Variants in MSL1 observed in about 807,000 individuals in gnomAD.
MSL1 encodes MSL complex subunit 1, also known as male-specific lethal 1 homolog.
In MSL1, 21 loss-of-function variants were observed where a neutral mutation model predicts 64.6. The observed-to-expected ratio is 0.33, with a 90% CI of 0.23 to 0.47. The LOEUF is 0.47. Among genes scored for constraint, MSL1 ranks in the 20% least tolerant of loss-of-function variants. The probability of loss-of-function intolerance (pLI) is 1.00; values close to 1 mark genes in which losing one functional copy is unlikely to be tolerated. For synonymous variants in MSL1, 339 were observed against 329.6 expected (o/e 1.03, Z -0.31); for missense variants, 664 against 793.2 (o/e 0.84, Z 1.96).
intron 2 of MSL1, among the ~76,000 whole-genome samples, chr17:40,128,797 G>A (rs927477914): frequency 2.0e-5 from 3 of 152,040 alleles, no homozygotes; most frequent in Admixed American, 6.5e-5. Context: ...GATCACCTGA[G>A]GTCAGGTATT....
chr17:40,123,130 C>T lies in MSL1; in HGVS notation c.518C>T (p.Pro173Leu), dbSNP rs907139002. ...AATASDPAGP[P>L]PLPLPGPPPL... ...ACCGCCTCGGACCCGGCGGGACCCC[C>T]ACCACTACCTCTGCCCGGGCCGCCA... Residue 173 changes from proline to leucine, a missense_variant, in exon 1 of 9, where the codon CCA becomes CTA. Pro to Leu is a moderately conservative substitution (Grantham distance 98). Transcript: ENST00000398532. 5 of 1,532,458 alleles carry T rather than the reference C, an allele frequency of 3.3e-6. No individual in the cohort carries two copies. Among genetic ancestry groups the T allele is most frequent in the Admixed American group, 2.0e-5 (1 of 50,656 alleles). 94.9% of individuals were successfully genotyped at this position (1,532,458 alleles called of 1,614,324 possible). A position where few individuals can be genotyped will look rare whatever the true frequency, so the allele number is the denominator to read the frequency against.
chr17:40,124,172 A>G (rs991347259), intron 1 of MSL1, among the ~76,000 whole-genome samples: 1 of 152,162 alleles, frequency 6.6e-6, no homozygotes, highest in Admixed American at 6.5e-5. Context: ...TTACTGCAGC[A>G]GTAGTTAAGG....
chr17:40,132,125 A>C, intron 5 of MSL1, 27 bp downstream of exon 5: 1 of 1,482,732 alleles, frequency 6.7e-7, no homozygotes, highest in Non-Finnish European at 9.3e-7. Flanking sequence ...ACTCAATTGA[A>C]GAGAGTAAGA....
At position 40,134,472 on chromosome 17, in the gene MSL1, C is replaced by T. The variant is rs917923208; in HGVS notation, c.*103C>T. 2.7e-5 allele frequency: 24 copies of T among 883,714 alleles called. No homozygotes were observed. Among genetic ancestry groups the T allele is most frequent in the Non-Finnish European group, 4.0e-5 (22 of 550,892 alleles). 54.7% of individuals were successfully genotyped at this position (883,714 alleles called of 1,614,324 possible). A position where few individuals can be genotyped will look rare whatever the true frequency, so the allele number is the denominator to read the frequency against. ...CTTTGTCCTCACATATGTTATCACT[C>T]GCTGATAATACCCTTTCATACTTCC... On this transcript the variant is annotated 3_prime_UTR_variant, in exon 9 of 9. Transcript: ENST00000398532.
rs905775704 is a variant in MSL1 at position 40,135,737 on chromosome 17, T to C, written c.*1368T>C. On this transcript the variant is annotated 3_prime_UTR_variant, in exon 9 of 9. Coordinates refer to ENST00000398532, the MANE Select transcript of MSL1 (RefSeq NM_001365919.1). ...GGGGCCTCCCACTGCTAAAGTTTTT[T>C]GTGAGATGTTGATCTGTGCTTCCTG... The C allele has an allele frequency of 5.2e-5, 8 of 152,446 alleles. No individual in the cohort carries two copies. The highest frequency in any genetic ancestry group is 1.9e-4 in the African/African-American group (8 of 41,568). The allele number at this position is 152,446 out of a possible 1,614,324, so 9.4% of individuals were successfully genotyped here.
Position 40,136,321 on chromosome 17 carries a change from A to G in MSL1, c.*1952A>G, listed in dbSNP as rs937235807. 3 of 152,302 alleles carry G rather than the reference A, an allele frequency of 2.0e-5. No homozygotes were observed. The highest frequency in any genetic ancestry group is 7.2e-5 in the African/African-American group (3 of 41,444). 9.4% of individuals were successfully genotyped at this position (152,302 alleles called of 1,614,324 possible). On this transcript the variant is annotated 3_prime_UTR_variant, in exon 9 of 9. Transcript: ENST00000398532. The stretch of plus-strand genomic sequence containing the variant: ...AATCCACGAGGTGCTATCTGGCCAG[A>G]TTTAAGTAGATTCTATTTCCTTGGT...
intron 6 of MSL1, 66 bp downstream of exon 6, chr17:40,133,175 A>C: frequency 7.2e-7 from 1 of 1,389,700 alleles, no homozygotes; most frequent in Non-Finnish European, 1.0e-6. Context: ...GTATCAGGGA[A>C]CCTGACCTCC....
Position 40,133,616 on chromosome 17 carries a change from T to G in MSL1, c.1639T>G (p.Ser547Ala). 1 of 1,613,652 alleles carries G rather than the reference T, an allele frequency of 6.2e-7. No homozygotes were observed. The highest frequency in any genetic ancestry group is 8.5e-7 in the Non-Finnish European group (1 of 1,179,722). ...GTATAAAAAGAAAGGAATTCAGGAA[T>G]CTGAGCCTGAGGTTACCTCATTTTT... ...RMYKKKGIQE[S>A]EPEVTSFFPE... Residue 547 changes from serine to alanine, a missense_variant, in exon 7 of 9, where the codon TCT becomes GCT. By Grantham distance (99) the Ser-to-Ala change is moderately conservative. Transcript: ENST00000398532.
At position 40,122,461 on chromosome 17, in the gene MSL1, C is replaced by A; in HGVS notation, c.-152C>A. On this transcript the variant is annotated 5_prime_UTR_variant, in exon 1 of 9. Coordinates refer to ENST00000398532, the MANE Select transcript of MSL1 (RefSeq NM_001365919.1). The surrounding 1 kb of genome is among the most constrained non-coding windows in gnomAD (Gnocchi z 4.2). ...CACGCCGGCGGGATGGCGCCCGGGC[C>A]CCGGAGGAGCCGCGCTAGCGGAGGC... 4.1e-6 allele frequency: 2 copies of A among 493,462 alleles called. No individual in the cohort carries two copies. Among genetic ancestry groups the A allele is most frequent in the Non-Finnish European group, 6.5e-6 (2 of 306,088 alleles). 30.6% of individuals were successfully genotyped at this position (493,462 alleles called of 1,614,324 possible).
rs1988235390 is a variant in MSL1 at position 40,123,328 on chromosome 17, A to T, written c.716A>T (p.Gln239Leu). The part of the protein sequence containing the change: ...QLDLIEQQQQ[Q>L]LQAKEKEIEE... ...GACCTCATCGAACAGCAGCAGCAGC[A>T]GCTGCAGGCCAAGGAAAAGGAGATC... The change falls in exon 1 of 9, where the codon CAG becomes CTG. Residue 239 changes from glutamine (Q) to leucine (L), a missense_variant. This residue lies in a region of MSL1 where 466 missense variants were observed against 499.0 expected (regional missense o/e 0.93). Transcript: ENST00000398532. The T allele has an allele frequency of 1.3e-6, 2 of 1,536,284 alleles. No individual in the cohort carries two copies. Among genetic ancestry groups the T allele is most frequent in the Non-Finnish European group, 1.7e-6 (2 of 1,146,870 alleles).
rs547031311 is a variant in MSL1 at position 40,134,463 on chromosome 17, G to C, written c.*94G>C. On this transcript the variant is annotated 3_prime_UTR_variant, in exon 9 of 9. Transcript: ENST00000398532. ...ATATGTGACCTTTGTCCTCACATATGTTATCACTCGCTGATAATACCCTTT... is the reference window on the plus strand; with the variant it reads ...ATATGTGACCTTTGTCCTCACATATCTTATCACTCGCTGATAATACCCTTT... 1 of 967,288 alleles carries C rather than the reference G, an allele frequency of 1.0e-6. No individual in the cohort carries two copies. The highest frequency in any genetic ancestry group is 1.4e-5 in the South Asian group (1 of 69,706). The allele number at this position is 967,288 out of a possible 1,614,324, so 59.9% of individuals were successfully genotyped here.
At chr17:40,125,848 T>C (rs139625018) in intron 1 of MSL1, among the ~76,000 whole-genome samples, 3 of 152,270 alleles carry the variant, frequency 2.0e-5, no homozygotes, top group African/African-American at 7.2e-5. Context: ...CCGAACCAAC[T>C]TGGAGCCACA....
At position 40,133,806 on chromosome 17, in the gene MSL1, C is replaced by T. The variant is rs765964916; in HGVS notation, c.1682-21C>T. 3 of 1,613,284 alleles carry T rather than the reference C, an allele frequency of 1.9e-6. No homozygotes were observed. In the Admixed American group the frequency reaches 5.0e-5, roughly 27 times the overall value. ...TCCCATCTGTATTACTAATACGCTCCCGTTTGACTTTCTCCCATAGTTGAA... is the reference window on the plus strand; with the variant it reads ...TCCCATCTGTATTACTAATACGCTCTCGTTTGACTTTCTCCCATAGTTGAA... On this transcript the variant is annotated intron_variant, in intron 7 of 8. Coordinates refer to ENST00000398532, the MANE Select transcript of MSL1 (RefSeq NM_001365919.1).
At chr17:40,133,957 C>T in intron 8 of MSL1, 58 bp downstream of exon 8, 2 of 1,470,316 alleles carry the variant, frequency 1.4e-6, no homozygotes, top group Non-Finnish European at 1.9e-6. Flanking sequence ...TTTCAGACTT[C>T]ATGGAAGCCT....
chr17:40,123,070 C>T lies in MSL1; in HGVS notation c.458C>T (p.Ala153Val), dbSNP rs1381171700. ...GCGGCCAAAGAGCCTACGCCCTGGG[C>T]TGGGGACAAGGGTGGGGCGGCCTCC... ...VAAAKEPTPW[A>V]GDKGGAASPA... The change falls in exon 1 of 9, where the codon GCT becomes GTT. Residue 153 changes from alanine (A) to valine (V), a missense_variant. Coordinates refer to ENST00000398532, the MANE Select transcript of MSL1 (RefSeq NM_001365919.1). 5 of 1,531,916 alleles carry T rather than the reference C, an allele frequency of 3.3e-6. No homozygotes were observed. The highest frequency in any genetic ancestry group is 2.0e-5 in the Admixed American group (1 of 50,612). 94.9% of individuals were successfully genotyped at this position (1,531,916 alleles called of 1,614,324 possible). A position where few individuals can be genotyped will look rare whatever the true frequency, so the allele number is the denominator to read the frequency against.
At chr17:40,127,977 G>A (rs975013279) in intron 2 of MSL1, among the ~76,000 whole-genome samples, 2 of 152,070 alleles carry the variant, frequency 1.3e-5, no homozygotes, top group African/African-American at 4.8e-5. Context: ...AGAAAAATTA[G>A]CCGGGTGTGG....
rs746584610 is a variant in MSL1 at position 40,132,022 on chromosome 17, CT to C, written c.1424-4del. On this transcript the variant is annotated splice_polypyrimidine_tract_variant and intron_variant, in intron 4 of 8. Transcript: ENST00000398532. ...CCCTCCTCCCTTTCTTTTTCTCTCTCTTTTTTTTCAGTTCCTTCTTGGAGGG... is the reference window on the plus strand; with the variant it reads ...CCCTCCTCCCTTTCTTTTTCTCTCTCTTTTTTTCAGTTCCTTCTTGGAGGG... 14 of 1,572,088 alleles carry C rather than the reference CT, an allele frequency of 8.9e-6. No individual in the cohort carries two copies. Among genetic ancestry groups the C allele is most frequent in the Middle Eastern group, 1.7e-4 (1 of 5,904 alleles).
At position 40,123,138 on chromosome 17, in the gene MSL1, C is replaced by T. The variant is rs1160171847; in HGVS notation, c.526C>T (p.Pro176Ser). Residue 176 changes from proline (P) to serine (S), a missense_variant, in exon 1 of 9, where the codon CCT becomes TCT. Physicochemically the swap from Pro to Ser is moderately conservative, Grantham distance 74. Transcript: ENST00000398532. Reference protein sequence around the residue: ...ASDPAGPPPLPLPGPPPLAPT... With the variant: ...ASDPAGPPPLSLPGPPPLAPT... Reference sequence around the variant, plus strand: ...GGACCCGGCGGGACCCCCACCACTACCTCTGCCCGGGCCGCCACCCCTCGC... The same window carrying T: ...GGACCCGGCGGGACCCCCACCACTATCTCTGCCCGGGCCGCCACCCCTCGC... 1.4e-5 allele frequency: 21 copies of T among 1,533,454 alleles called. No homozygotes were observed. The highest frequency in any genetic ancestry group is 1.7e-5 in the Non-Finnish European group (20 of 1,145,832). The allele number at this position is 1,533,454 out of a possible 1,614,324, so 95.0% of individuals were successfully genotyped here.
rs1988310427 is a variant in MSL1, at chr17:40,126,194, G to A, written c.780G>A (p.Arg260=). 6.2e-7 allele frequency: 1 copy of A among 1,613,994 alleles called. No individual in the cohort carries two copies. Among genetic ancestry groups the A allele is most frequent in the South Asian group, 1.1e-5 (1 of 91,080 alleles). The part of the protein sequence containing the change: ...LKSERDTLLA[R]IERMERRMQL... ...ACTCTCTCTTTTAGCTCCTTGCTCG[G>A]ATTGAACGTATGGAAAGGCGGATGC... Residue 260 remains arginine (R), a synonymous_variant, in exon 2 of 9, where the codon CGG becomes CGA. Transcript: ENST00000398532.
Sources: allele counts gnomAD v4.1 joint callset (sites outside exome capture counted in the v4.1 genomes callset), GRCh38; gene constraint gnomAD v4.1.1; regional missense constraint gnomAD v4.1.1; non-coding constraint Gnocchi (gnomAD v3.1); transcripts MANE v1.5; gene names NCBI Gene and HGNC (gene_info 2026-07-23, HGNC 2026-07-21).